The following SIPA1L1 variants were observed in gnomAD, a reference collection of about 807,000 sequenced individuals.
SIPA1L1 encodes the protein signal-induced proliferation-associated 1-like protein 1.
A neutral mutation model predicts 162.7 loss-of-function variants in SIPA1L1; 26 were observed. The observed-to-expected ratio is 0.16, with a 90% CI of 0.12 to 0.22. The LOEUF (loss-of-function observed/expected upper bound fraction) is 0.22, where lower values mean the gene tolerates loss of function less well. SIPA1L1 is among the 10% of genes least tolerant of loss of function. The probability of loss-of-function intolerance (pLI) is 1.00; values close to 1 mark genes in which losing one functional copy is unlikely to be tolerated. For missense variants in SIPA1L1, 1,874 were observed against 2,241.0 expected, an observed-to-expected ratio of 0.84 and a Z score of 3.31; for synonymous variants, 829 against 837.4, an observed-to-expected ratio of 0.99 and a Z score of 0.17.
At chr14:71,564,267 C>G (rs1156514671) in intron 4 of SIPA1L1, among the ~76,000 whole-genome samples, 1 of 151,860 alleles carries the variant, frequency 6.6e-6, no homozygotes, top group Non-Finnish European at 1.5e-5. Context: ...CTTCTTAATA[C>G]TATTTTCTTT....
At chr14:71,445,432 T>G (rs529756677) in intron 2 of SIPA1L1, among the ~76,000 whole-genome samples, 2 of 152,274 alleles carry the variant, frequency 1.3e-5, no homozygotes, top group African/African-American at 4.8e-5. Context: ...TAAAATAAAG[T>G]CTAAGTTTTT....
chr14:71,719,687 T>C (rs1748367407), intron 17 of SIPA1L1, among the ~76,000 whole-genome samples: 1 of 152,106 alleles, frequency 6.6e-6, no homozygotes, highest in South Asian at 2.1e-4. Flanking sequence ...GAGACAGGGT[T>C]TCATCATGTT....
chr14:71,632,410 A>G (rs2040670505), intron 7 of SIPA1L1, among the ~76,000 whole-genome samples: 1 of 152,226 alleles, frequency 6.6e-6, no homozygotes, highest in South Asian at 2.1e-4. Context: ...AAACTTTAAA[A>G]CAGGAATCTC....
intron 2 of SIPA1L1, among the ~76,000 whole-genome samples, chr14:71,371,070 A>G (rs557522082): frequency 1.3e-5 from 2 of 152,260 alleles, no homozygotes; most frequent in African/African-American, 4.8e-5. Flanking sequence ...CTTTAATTCT[A>G]TTTATTAAAT....
chr14:71,327,437 A>C (rs977067448), intron 2 of SIPA1L1, among the ~76,000 whole-genome samples: 1 of 152,206 alleles, frequency 6.6e-6, no homozygotes, highest in Non-Finnish European at 1.5e-5. Context: ...CTTGATGCTT[A>C]TCATCAGTTC....
chr14:71,575,561 G>A (rs191035475), intron 4 of SIPA1L1, among the ~76,000 whole-genome samples: 6 of 152,286 alleles, frequency 3.9e-5, no homozygotes, highest in Admixed American at 2.6e-4. Context: ...TCATTAATTT[G>A]ATGGTAATTG....
intron 7 of SIPA1L1, among the ~76,000 whole-genome samples, chr14:71,630,639 A>G (rs916185111): frequency 6.6e-5 from 10 of 152,194 alleles, no homozygotes; most frequent in South Asian, 2.1e-4. Context: ...AAACTAGGCA[A>G]TAGTTTCAAA....
chr14:71,730,083 C>T lies in SIPA1L1; in HGVS notation c.4643C>T (p.Pro1548Leu), dbSNP rs1362046780. The change falls in exon 20 of 24, where the codon CCT (proline) becomes CTT (leucine). Residue 1548 changes from proline to leucine, a missense_variant. By Grantham distance (98) the Pro-to-Leu change is moderately conservative. Around this residue, in one of 5 missense-constraint regions of SIPA1L1, gnomAD observed 936 missense variants for 1,051.9 expected, o/e 0.89. Coordinates refer to ENST00000381232, the MANE Select transcript of SIPA1L1 (RefSeq NM_001386936.1). ...KFHALSSPQSPFPSTPTSRRA... is the reference protein window; with the variant it reads ...KFHALSSPQSLFPSTPTSRRA... ...CACGCACTCTCCTCTCCTCAGTCTC[C>T]TTTCCCCAGCACCCCCACCTCACGG... 2 of 1,614,184 alleles carry T rather than the reference C, an allele frequency of 1.2e-6. No individual in the cohort carries two copies. The highest frequency in any genetic ancestry group is 1.7e-6 in the Non-Finnish European group (2 of 1,180,028).
intron 3 of SIPA1L1, among the ~76,000 whole-genome samples, chr14:71,523,138 C>T (rs780814528): frequency 1.1e-4 from 17 of 151,828 alleles, no homozygotes; most frequent in African/African-American, 3.1e-4. Flanking sequence ...TTAAATTTCT[C>T]GATGGTTTGG....
At chr14:71,568,357 C>G (rs947243306) in intron 4 of SIPA1L1, among the ~76,000 whole-genome samples, 4 of 152,140 alleles carry the variant, frequency 2.6e-5, no homozygotes, top group African/African-American at 9.7e-5. Context: ...TCTTGCCAAA[C>G]TGTTAGGGTG....
intron 2 of SIPA1L1, among the ~76,000 whole-genome samples, chr14:71,400,361 C>T (rs1161841481): frequency 1.3e-5 from 2 of 152,124 alleles, no homozygotes; most frequent in Non-Finnish European, 2.9e-5. Context: ...TCCACATAAA[C>T]CATCTCGGGA....
chr14:71,480,188 T>G (rs779016767), intron 2 of SIPA1L1, among the ~76,000 whole-genome samples: 2 of 151,654 alleles, frequency 1.3e-5, no homozygotes, highest in African/African-American at 4.8e-5. Context: ...GTTCAAGCGA[T>G]TCTCCTGCCT....
intron 3 of SIPA1L1, among the ~76,000 whole-genome samples, chr14:71,521,737 C>T (rs1191651070): frequency 6.6e-6 from 1 of 152,140 alleles, no homozygotes; most frequent in Non-Finnish European, 1.5e-5. Context: ...ATAGATGCTG[C>T]CAGTTTTCCA....
chr14:71,349,350 A>G (rs1189934640), intron 2 of SIPA1L1, among the ~76,000 whole-genome samples: 1 of 152,196 alleles, frequency 6.6e-6, no homozygotes. Context: ...ATTTTCAGGT[A>G]AGATGGGTCG....
intron 10 of SIPA1L1, among the ~76,000 whole-genome samples, chr14:71,666,860 CCT>C (rs1342432787): frequency 6.8e-6 from 1 of 146,334 alleles, no homozygotes; most frequent in Admixed American, 6.8e-5. Context: ...CATCCTCTTT[CCT>C]CTCTGTAAAA....
At chr14:71,487,223 C>G (rs1205644918) in intron 2 of SIPA1L1, among the ~76,000 whole-genome samples, 1 of 152,196 alleles carries the variant, frequency 6.6e-6, no homozygotes, top group Non-Finnish European at 1.5e-5. Flanking sequence ...CCCTCCCCTC[C>G]CCATCACCTT....
At chr14:71,440,730 T>G (rs780535735) in intron 2 of SIPA1L1, among the ~76,000 whole-genome samples, 1 of 139,654 alleles carries the variant, frequency 7.2e-6, no homozygotes, top group East Asian at 2.1e-4. Flanking sequence ...TAAGAAAGAA[T>G]AGTTCAGTTT....
intron 12 of SIPA1L1, among the ~76,000 whole-genome samples, chr14:71,678,357 T>C (rs1354610566): frequency 6.6e-6 from 1 of 152,250 alleles, no homozygotes; most frequent in Non-Finnish European, 1.5e-5. Context: ...TGAAGGGCTG[T>C]TGAATTTTGT....
At chr14:71,728,340 A>G (rs2150296721) in intron 19 of SIPA1L1, among the ~76,000 whole-genome samples, 1 of 152,358 alleles carries the variant, frequency 6.6e-6, no homozygotes, top group Middle Eastern at 3.4e-3. Flanking sequence ...GGAAATTATC[A>G]CTTTCATTCC....
Sources: gnomAD v4.1 joint callset for allele counts (sites outside exome capture counted in the v4.1 genomes callset) on GRCh38, gnomAD v4.1.1 for gene constraint, gnomAD v4.1.1 regional missense constraint, MANE v1.5 for transcripts, NCBI Gene and HGNC (gene_info 2026-07-23, HGNC 2026-07-21) for gene names.